MSRA: variants seen among roughly 807,000 people sequenced by gnomAD.
The protein encoded by MSRA is mitochondrial peptide methionine sulfoxide reductase.
A neutral mutation model predicts 31.3 loss-of-function variants in MSRA; 54 were observed. That is an observed-to-expected ratio of 1.73 (90% confidence interval 1.39 to 2.17). The LOEUF is 2.17. Among genes scored for constraint, MSRA ranks in the 30% most tolerant of loss-of-function variants. The pLI is 0.00. For synonymous variants in MSRA, 169 were observed against 116.5 expected (o/e 1.45, Z -2.90); for missense variants, 507 against 300.9 (o/e 1.69, Z -5.07).
intron 5 of MSRA, among the ~76,000 whole-genome samples, chr8:10,403,285 G>A (rs2129184779): frequency 6.6e-6 from 1 of 152,330 alleles, no homozygotes; most frequent in South Asian, 2.1e-4. Flanking sequence ...CTCCCTGAGT[G>A]ATGTCCCAGG....
In MSRA at chr8:10,060,638, GT is replaced by G. The variant is rs201224802; in HGVS notation, c.142+5993del. 7.4e-4 allele frequency among the ~76,000 whole-genome samples: 106 copies of G among 143,144 alleles called. 1 individual carries two copies. The highest frequency in any genetic ancestry group is 5.5e-3 in the South Asian group (25 of 4,522). 93.9% of individuals were successfully genotyped at this position (143,144 alleles called of 152,430 possible). A position where few individuals can be genotyped will look rare whatever the true frequency, so the allele number is the denominator to read the frequency against. Reference sequence around the variant, plus strand: ...TCATCTTTTGTCATACTTACTTGAAGTTTTTTTTTTTTTCAATTTTGCTCTT... The same window carrying G: ...TCATCTTTTGTCATACTTACTTGAAGTTTTTTTTTTTTCAATTTTGCTCTT... On this transcript the variant is annotated intron_variant, in intron 1 of 5. Transcript: ENST00000317173.
chr8:10,113,250 T>G (rs1226075544), intron 1 of MSRA, among the ~76,000 whole-genome samples: 1 of 124,230 alleles, frequency 8.0e-6, no homozygotes, highest in African/African-American at 2.8e-5. Context: ...GGTGGAGCCC[T>G]ACCTGGGCTG....
intron 3 of MSRA, among the ~76,000 whole-genome samples, chr8:10,265,651 A>T (rs1222416037): frequency 6.6e-6 from 1 of 152,192 alleles, no homozygotes. Context: ...AGTGAACAGT[A>T]TACGTTTTGA....
In MSRA at chr8:10,182,659, A is replaced by G. The variant is rs529912605; in HGVS notation, c.143-25174A>G. Among the ~76,000 whole-genome samples, 23 of 152,306 alleles carry G rather than the reference A, an allele frequency of 1.5e-4. No homozygotes were observed. In the South Asian group the frequency reaches 4.6e-3, roughly 30 times the overall value. On this transcript the variant is annotated intron_variant, in intron 1 of 5. Transcript: ENST00000317173. ...GCATGCGGTGTGTGATCATCACATC[A>G]TGGAGAATGGGGGAGATTCAGGTTT...
At chr8:10,342,835 T>G (rs1453285146) in intron 5 of MSRA, among the ~76,000 whole-genome samples, 1 of 152,228 alleles carries the variant, frequency 6.6e-6, no homozygotes, top group African/African-American at 2.4e-5. Flanking sequence ...CAGGCTCCGG[T>G]GAAAGACAGC....
At chr8:10,343,889 C>G (rs1168355736) in intron 5 of MSRA, among the ~76,000 whole-genome samples, 3 of 152,184 alleles carry the variant, frequency 2.0e-5, no homozygotes, top group Non-Finnish European at 4.4e-5. Context: ...ACCTCAGATC[C>G]TGTTCAGACA....
At chr8:10,063,354 C>G (rs1797303131) in intron 1 of MSRA, among the ~76,000 whole-genome samples, 1 of 152,230 alleles carries the variant, frequency 6.6e-6, no homozygotes, top group Non-Finnish European at 1.5e-5. Context: ...TTCATTCTCT[C>G]ACTGTTTAGG....
chr8:10,318,259 T>A (rs1168657901), intron 4 of MSRA, among the ~76,000 whole-genome samples: 2 of 152,188 alleles, frequency 1.3e-5, no homozygotes, highest in Non-Finnish European at 2.9e-5. Context: ...ATCCATAATT[T>A]CCTTTTTGTC....
intron 5 of MSRA, among the ~76,000 whole-genome samples, chr8:10,355,489 G>C (rs944218167): frequency 2.0e-5 from 3 of 152,208 alleles, no homozygotes; most frequent in African/African-American, 7.2e-5. Context: ...ACACGTGTAA[G>C]GAACAGAAAA....
At chr8:10,342,061 G>A (rs2129151283) in intron 5 of MSRA, among the ~76,000 whole-genome samples, 1 of 152,332 alleles carries the variant, frequency 6.6e-6, no homozygotes. Flanking sequence ...CGTCTAAGCT[G>A]TGTGTGTCAG....
At chr8:10,090,766 A>G (rs989711779) in intron 1 of MSRA, among the ~76,000 whole-genome samples, 6 of 152,182 alleles carry the variant, frequency 3.9e-5, no homozygotes, top group Non-Finnish European at 8.8e-5. Context: ...TGAACCTTTC[A>G]TATATATAGA....
chr8:10,241,777 A>C (rs912300952), intron 2 of MSRA, among the ~76,000 whole-genome samples: 21 of 152,212 alleles, frequency 1.4e-4, no homozygotes, highest in Admixed American at 6.5e-5. Flanking sequence ...CAGAGGATCA[A>C]GTCTGAGTCT....
intron 3 of MSRA, among the ~76,000 whole-genome samples, chr8:10,262,754 A>C (rs1798547460): frequency 6.6e-6 from 1 of 152,174 alleles, no homozygotes; most frequent in Non-Finnish European, 1.5e-5. Context: ...GGGAAGGTGA[A>C]TTGCAGGCCT....
chr8:10,285,601 C>G (rs994476264), intron 3 of MSRA, among the ~76,000 whole-genome samples: 6 of 151,978 alleles, frequency 3.9e-5, no homozygotes, highest in African/African-American at 1.5e-4. Flanking sequence ...TTCCCCCCAT[C>G]TCAATGTATT....
intron 1 of MSRA, among the ~76,000 whole-genome samples, chr8:10,162,538 C>T (rs143088006): frequency 2.4e-4 from 37 of 152,000 alleles, no homozygotes; most frequent in African/African-American, 8.0e-4. Flanking sequence ...GGGCAGGTGA[C>T]GGGAGGAGGA....
chr8:10,411,503 A>G (rs1022015055), intron 5 of MSRA: 14 of 151,704 alleles, frequency 9.2e-5, no homozygotes, highest in Admixed American at 8.5e-4. Context: ...TAATAATAAA[A>G]AAAAAAAACC....
At chr8:10,400,413 G>A (rs1032260269) in intron 5 of MSRA, among the ~76,000 whole-genome samples, 5 of 142,454 alleles carry the variant, frequency 3.5e-5, no homozygotes, top group African/African-American at 5.0e-5. Context: ...AAAGATACAC[G>A]GTGGATGAAT....
At chr8:10,256,085 A>G (rs1225645941) in intron 3 of MSRA, among the ~76,000 whole-genome samples, 1 of 152,078 alleles carries the variant, frequency 6.6e-6, no homozygotes, top group Non-Finnish European at 1.5e-5. Flanking sequence ...TATTGTACAG[A>G]GTAATTTCAC....
chr8:10,260,616 C>T (rs1204189056), intron 3 of MSRA, among the ~76,000 whole-genome samples: 2 of 152,158 alleles, frequency 1.3e-5, no homozygotes, highest in African/African-American at 2.4e-5. Flanking sequence ...ATCATGTTGA[C>T]CCAGTGACAA....
Sources: gnomAD v4.1 joint callset for allele counts (sites outside exome capture counted in the v4.1 genomes callset) on GRCh38, gnomAD v4.1.1 for gene constraint, MANE v1.5 for transcripts, NCBI Gene and HGNC (gene_info 2026-07-23, HGNC 2026-07-21) for gene names.